GABRA2: variants seen among roughly 807,000 people sequenced by gnomAD.
GABRA2 encodes gamma-aminobutyric acid type A receptor subunit alpha2, also known as gamma-aminobutyric acid receptor subunit alpha-2.
In GABRA2, 16 loss-of-function variants were observed where a neutral mutation model predicts 48.7. The ratio of observed to expected loss-of-function variants is 0.33; its 90% CI spans 0.22 to 0.50. GABRA2 has a LOEUF of 0.50. GABRA2 is among the 20% of genes least tolerant of loss of function. The pLI, the probability that GABRA2 is intolerant of heterozygous loss-of-function variation, is 0.98. For missense variants in GABRA2, 275 were observed against 535.6 expected (o/e 0.51, Z 4.80); for synonymous variants, 185 against 184.5 (o/e 1.00, Z -0.02).
At chr4:46,256,880 C>T (rs1715942149) in intron 9 of GABRA2, among the ~76,000 whole-genome samples, 1 of 151,560 alleles carries the variant, frequency 6.6e-6, no homozygotes, top group South Asian at 2.1e-4. Context: ...CATTCCATAA[C>T]TGTTTGCATA....
chr4:46,331,440 A>T (rs1353468263), intron 4 of GABRA2, among the ~76,000 whole-genome samples: 1 of 152,142 alleles, frequency 6.6e-6, no homozygotes, highest in Non-Finnish European at 1.5e-5. Context: ...GCTCCTATTA[A>T]ATTAGCTGAT....
At chr4:46,324,203 T>C (rs1459184751) in intron 4 of GABRA2, among the ~76,000 whole-genome samples, 1 of 152,034 alleles carries the variant, frequency 6.6e-6, no homozygotes, top group Admixed American at 6.6e-5. Flanking sequence ...CTTTTCTTGG[T>C]TTTACCGTAA....
chr4:46,342,101 G>T (rs1733338988), intron 3 of GABRA2, among the ~76,000 whole-genome samples: 1 of 150,018 alleles, frequency 6.7e-6, no homozygotes, highest in Non-Finnish European at 1.5e-5. Context: ...CAACAGAGTT[G>T]CAAGACTTGA....
intron 3 of GABRA2, chr4:46,365,891 C>T (rs942196981): frequency 3.3e-5 from 5 of 151,992 alleles, no homozygotes; most frequent in African/African-American, 1.2e-4. Context: ...TTTAATATGC[C>T]TTCATCTATT....
At chr4:46,387,819 T>C (rs1425057757) in intron 2 of GABRA2, among the ~76,000 whole-genome samples, 1 of 152,148 alleles carries the variant, frequency 6.6e-6, no homozygotes, top group East Asian at 1.9e-4. Context: ...ACTTATTAGA[T>C]TTTTAAAAAT....
At chr4:46,279,668 C>T (rs1055950224) in intron 8 of GABRA2, among the ~76,000 whole-genome samples, 6 of 151,932 alleles carry the variant, frequency 3.9e-5, no homozygotes, top group Non-Finnish European at 8.8e-5. Context: ...TTTACAGATT[C>T]ATTATTTGGA....
chr4:46,384,060 A>G (rs1337438087), intron 3 of GABRA2, among the ~76,000 whole-genome samples: 1 of 152,166 alleles, frequency 6.6e-6, no homozygotes, highest in African/African-American at 2.4e-5. Flanking sequence ...CAACAACCCT[A>G]AAGGTAACTA....
intron 8 of GABRA2, among the ~76,000 whole-genome samples, chr4:46,295,566 T>C (rs1461012695): frequency 1.3e-5 from 2 of 152,194 alleles, no homozygotes; most frequent in South Asian, 2.1e-4. Context: ...AATGGGTCCA[T>C]GGACAATGTG....
At chr4:46,304,489 A>T (rs1007137795) in intron 7 of GABRA2, among the ~76,000 whole-genome samples, 1 of 151,706 alleles carries the variant, frequency 6.6e-6, no homozygotes, top group African/African-American at 2.4e-5. Context: ...GTCTTTTAAT[A>T]TTTATTTATT....
Position 46,373,481 on chromosome 4 carries a change from A to G in GABRA2, c.187+12593T>C, listed in dbSNP as rs182508218. Among the ~76,000 whole-genome samples, 7 of 152,336 alleles carry G rather than the reference A, an allele frequency of 4.6e-5. No homozygotes were observed. The East Asian group carries it at 1.4e-3, about 29-fold the overall frequency. On this transcript the variant is annotated intron_variant, in intron 3 of 9. Coordinates refer to ENST00000381620, the MANE Select transcript of GABRA2 (RefSeq NM_000807.4). ...GTTATTCTGATGTATGTACTGGAAC[A>G]GTAATAAGTCAACTTATGACATTTA... is the stretch of plus-strand genomic sequence containing the variant.
At chr4:46,369,275 A>G (rs1354095504) in intron 3 of GABRA2, among the ~76,000 whole-genome samples, 1 of 152,074 alleles carries the variant, frequency 6.6e-6, no homozygotes. Flanking sequence ...TGTCATTGGG[A>G]ATTTCAGCTT....
chr4:46,377,535 C>T (rs983430383), intron 3 of GABRA2, among the ~76,000 whole-genome samples: 5 of 151,608 alleles, frequency 3.3e-5, no homozygotes, highest in Admixed American at 2.0e-4. Context: ...GCCCCTCCGC[C>T]CAGCAGCCAC....
chr4:46,388,263 A>C (rs1196356033), intron 2 of GABRA2, among the ~76,000 whole-genome samples: 2 of 152,160 alleles, frequency 1.3e-5, no homozygotes, highest in South Asian at 4.1e-4. Context: ...GTTAACACTC[A>C]AATCACTTAG....
intron 8 of GABRA2, among the ~76,000 whole-genome samples, chr4:46,273,483 G>GTATATATA (rs1719796836): frequency 6.2e-5 from 1 of 16,196 alleles, no homozygotes; most frequent in African/African-American, 3.2e-4. Context: ...ATATATATAT[G>GTATATATA]CATATATATA....
intron 8 of GABRA2, among the ~76,000 whole-genome samples, chr4:46,291,776 C>CACACATATATATAT (rs1553906974): frequency 4.8e-5 from 7 of 144,806 alleles, no homozygotes; most frequent in African/African-American, 1.8e-4. Context: ...TAAACACACA[C>CACACATATATATAT]ATATATATAT....
chr4:46,298,642 T>G (rs941656734), intron 8 of GABRA2, among the ~76,000 whole-genome samples: 1 of 152,012 alleles, frequency 6.6e-6, no homozygotes, highest in African/African-American at 2.4e-5. Flanking sequence ...TGTTAATAAC[T>G]GTGTGTAGAA....
intron 8 of GABRA2, among the ~76,000 whole-genome samples, chr4:46,301,387 G>C (rs1725708531): frequency 6.6e-6 from 1 of 152,152 alleles, no homozygotes; most frequent in South Asian, 2.1e-4. Flanking sequence ...GACAGCTTTA[G>C]ACATGTTATG....
At chr4:46,253,089 G>T (rs978464370) in intron 9 of GABRA2, among the ~76,000 whole-genome samples, 1 of 151,436 alleles carries the variant, frequency 6.6e-6, no homozygotes. Context: ...AGGAAAGTTT[G>T]ATGGAAGTAG....
rs767626599 is a variant in GABRA2, at chr4:46,256,231, C to T, written c.1060-5627G>A. 2.7e-5 allele frequency: 19 copies of T among 692,038 alleles called. No homozygotes were observed. The highest frequency in any genetic ancestry group is 5.0e-5 in the Non-Finnish European group (19 of 379,106). The allele number at this position is 692,038 out of a possible 1,614,324, so 42.9% of individuals were successfully genotyped here. A position where few individuals can be genotyped will look rare whatever the true frequency, so the allele number is the denominator to read the frequency against. ...TGAAGGTTAAACAGTCCATCCACTT[C>T]TCTAAGTACTCTAAAGTCTTTTCTT... On this transcript the variant is annotated intron_variant, in intron 9 of 9. Coordinates refer to ENST00000381620, the MANE Select transcript of GABRA2 (RefSeq NM_000807.4).
Sources: gnomAD v4.1 joint callset for allele counts (sites outside exome capture counted in the v4.1 genomes callset) on GRCh38, gnomAD v4.1.1 for gene constraint, MANE v1.5 for transcripts, NCBI Gene and HGNC (gene_info 2026-07-23, HGNC 2026-07-21) for gene names.